LIPC: variants seen among roughly 807,000 people sequenced by gnomAD.
The protein encoded by LIPC is lipase C, hepatic type.
A neutral mutation model predicts 50.7 loss-of-function variants in LIPC; 44 were observed. The observed-to-expected ratio is 0.87, with a 90% CI of 0.68 to 1.11. The LOEUF (loss-of-function observed/expected upper bound fraction) is 1.11, where lower values mean the gene tolerates loss of function less well. LIPC is among the 50% of genes most tolerant of loss of function. The pLI is 0.00. For missense variants in LIPC, 697 were observed against 648.2 expected (o/e 1.08, Z -0.82); for synonymous variants, 271 against 256.4 (o/e 1.06, Z -0.54).
At chr15:58,508,968 C>G (rs1447537039) in intron 1 of LIPC, among the ~76,000 whole-genome samples, 1 of 152,130 alleles carries the variant, frequency 6.6e-6, no homozygotes, top group Non-Finnish European at 1.5e-5. Context: ...TCACAACATC[C>G]CAATGTATTT....
chr15:58,483,734 A>G (rs1289169605), intron 1 of LIPC, among the ~76,000 whole-genome samples: 1 of 152,156 alleles, frequency 6.6e-6, no homozygotes, highest in East Asian at 1.9e-4. Context: ...GTCCTACATC[A>G]ATTTTTTTTA....
chr15:58,557,283 T>C (rs1439228890), intron 6 of LIPC, among the ~76,000 whole-genome samples: 1 of 152,060 alleles, frequency 6.6e-6, no homozygotes, highest in African/African-American at 2.4e-5. Context: ...TATCATTTGT[T>C]TGAGGGTCAA....
intron 6 of LIPC, among the ~76,000 whole-genome samples, chr15:58,549,670 C>T (rs557447329): frequency 1.3e-5 from 2 of 152,316 alleles, no homozygotes; most frequent in South Asian, 2.1e-4. Context: ...CTCTGTGTAT[C>T]GGAACTTTTG....
At chr15:58,441,135 A>T (rs1464467149) in intron 1 of LIPC, among the ~76,000 whole-genome samples, 1 of 152,204 alleles carries the variant, frequency 6.6e-6, no homozygotes, top group Non-Finnish European at 1.5e-5. Context: ...GGGGCCCAGC[A>T]GGGACCAGTT....
At chr15:58,536,215 C>T (rs1397183422) in intron 1 of LIPC, among the ~76,000 whole-genome samples, 3 of 152,048 alleles carry the variant, frequency 2.0e-5, no homozygotes, top group African/African-American at 7.3e-5. Context: ...AATGGAGCAG[C>T]AGAGACAGAG....
intron 1 of LIPC, among the ~76,000 whole-genome samples, chr15:58,483,455 A>G (rs1164735078): frequency 6.6e-6 from 1 of 152,138 alleles, no homozygotes; most frequent in Non-Finnish European, 1.5e-5. Flanking sequence ...TGAGGGTAGA[A>G]GAAGATTTTG....
chr15:58,494,090 C>A (rs979465094), intron 1 of LIPC, among the ~76,000 whole-genome samples: 1 of 152,224 alleles, frequency 6.6e-6, no homozygotes, highest in Non-Finnish European at 1.5e-5. Context: ...GCTACTGGGA[C>A]AGAGGCTTCA....
At chr15:58,518,632 C>A (rs1040888549) in intron 1 of LIPC, among the ~76,000 whole-genome samples, 1 of 152,188 alleles carries the variant, frequency 6.6e-6, no homozygotes, top group Non-Finnish European at 1.5e-5. Context: ...AGAGGCAGAA[C>A]AGAGCAGTTA....
At chr15:58,475,205 T>C (rs1484365618) in intron 1 of LIPC, among the ~76,000 whole-genome samples, 1 of 152,184 alleles carries the variant, frequency 6.6e-6, no homozygotes, top group East Asian at 1.9e-4. Context: ...ACTGCCCTCT[T>C]CAGTGTCTGG....
At chr15:58,543,209 G>A (rs944250341) in intron 4 of LIPC, among the ~76,000 whole-genome samples, 1 of 152,102 alleles carries the variant, frequency 6.6e-6, no homozygotes. Context: ...TTCCTCCCAG[G>A]CTTCCGTGAC....
intron 1 of LIPC, among the ~76,000 whole-genome samples, chr15:58,464,042 T>C (rs1412902612): frequency 2.0e-5 from 3 of 152,106 alleles, no homozygotes; most frequent in East Asian, 3.9e-4. Context: ...GAAAGGCAAA[T>C]AACCCCACCT....
At chr15:58,565,472 G>T in intron 8 of LIPC, 2 of 1,404,684 alleles carry the variant, frequency 1.4e-6, no homozygotes, top group Non-Finnish European at 1.8e-6. Flanking sequence ...CCCTTCCAGG[G>T]CTCCCACACG....
At chr15:58,435,628 A>C (rs1893268157) in intron 1 of LIPC, 1 of 152,258 alleles carries the variant, frequency 6.6e-6, no homozygotes. Flanking sequence ...AAAGAATGTC[A>C]GCCGGGCGCC....
chr15:58,437,382 G>A (rs550728842), intron 1 of LIPC, among the ~76,000 whole-genome samples: 1 of 151,616 alleles, frequency 6.6e-6, no homozygotes, highest in South Asian at 2.1e-4. Flanking sequence ...ATGCAATAAT[G>A]TAGGGAAAAA....
At chr15:58,445,210 C>T (rs944023575) in intron 1 of LIPC, among the ~76,000 whole-genome samples, 1 of 152,230 alleles carries the variant, frequency 6.6e-6, no homozygotes, top group South Asian at 2.1e-4. Context: ...ACCAAGAAGG[C>T]GCCGTTTAGC....
chr15:58,500,210 G>C (rs2140835110), intron 1 of LIPC, among the ~76,000 whole-genome samples: 1 of 152,280 alleles, frequency 6.6e-6, no homozygotes, highest in Non-Finnish European at 1.5e-5. Context: ...CGTGGAGCCA[G>C]AAGCAGTAGT....
intron 1 of LIPC, among the ~76,000 whole-genome samples, chr15:58,499,957 G>A (rs184270132): frequency 6.6e-6 from 1 of 152,148 alleles, no homozygotes; most frequent in East Asian, 1.9e-4. Context: ...CATGAGTTGG[G>A]GAGGTCTGAT....
chr15:58,568,901 C>G lies in LIPC; in HGVS notation c.*74C>G, dbSNP rs1894473053. 2.3e-5 allele frequency: 18 copies of G among 788,522 alleles called. No homozygotes were observed. The South Asian group carries it at 3.1e-4, about 14-fold the overall frequency. The allele number at this position is 788,522 out of a possible 1,614,324, so 48.8% of individuals were successfully genotyped here. On this transcript the variant is annotated 3_prime_UTR_variant, in exon 9 of 9. Transcript: ENST00000299022. Reference sequence around the variant, plus strand: ...CTGGAATGGCTGCCTTATTTAGAAGCCAAAATTACATAAAGAATCTCACAC... The same window carrying G: ...CTGGAATGGCTGCCTTATTTAGAAGGCAAAATTACATAAAGAATCTCACAC...
chr15:58,544,907 C>T (rs1411697899), intron 4 of LIPC, among the ~76,000 whole-genome samples: 1 of 152,178 alleles, frequency 6.6e-6, no homozygotes, highest in Non-Finnish European at 1.5e-5. Context: ...CAGGAGGTGC[C>T]ACCTTACTTC....
Sources: allele counts gnomAD v4.1 joint callset (sites outside exome capture counted in the v4.1 genomes callset), GRCh38; gene constraint gnomAD v4.1.1; transcripts MANE v1.5; gene names NCBI Gene and HGNC (gene_info 2026-07-23, HGNC 2026-07-21).